The following GLDC variants were observed in gnomAD, a reference collection of about 807,000 sequenced individuals.
GLDC encodes glycine decarboxylase.
In GLDC, 104 loss-of-function variants were observed where a neutral mutation model predicts 121.3. The observed-to-expected ratio is 0.86, with a 90% CI of 0.73 to 1.01. The LOEUF (loss-of-function observed/expected upper bound fraction) is 1.01, where lower values mean the gene tolerates loss of function less well. Ranked by LOEUF, GLDC falls within the 50% of genes least tolerant of loss-of-function variation. The probability of loss-of-function intolerance (pLI) is 0.00; values close to 1 mark genes in which losing one functional copy is unlikely to be tolerated. For synonymous variants in GLDC, 546 were observed against 480.6 expected, an observed-to-expected ratio of 1.14 and a Z score of -1.78; for missense variants, 1,429 against 1,306.6, an observed-to-expected ratio of 1.09 and a Z score of -1.44.
At chr9:6,597,625 T>C (rs1818516006) in intron 8 of GLDC, among the ~76,000 whole-genome samples, 2 of 152,148 alleles carry the variant, frequency 1.3e-5, no homozygotes, top group South Asian at 4.1e-4. Context: ...CTGCTCATTG[T>C]GGTAGAAGCT....
At chr9:6,644,422 A>G in intron 2 of GLDC, 192 bp downstream of exon 2, 1 of 640,244 alleles carries the variant, frequency 1.6e-6, no homozygotes, top group East Asian at 2.7e-5. Context: ...CTCTCCTAAC[A>G]CAAAACTGTC....
intron 15 of GLDC, among the ~76,000 whole-genome samples, chr9:6,570,830 C>T (rs200259332): frequency 2.9e-4 from 38 of 132,316 alleles, no homozygotes; most frequent in African/African-American, 9.3e-4. Flanking sequence ...CTCCAGCCTG[C>T]GCAACAAGAG....
chr9:6,574,810 C>G (rs948172352), intron 15 of GLDC, among the ~76,000 whole-genome samples: 13 of 152,006 alleles, frequency 8.6e-5, no homozygotes, highest in African/African-American at 3.1e-4. Flanking sequence ...GCACTAGGCT[C>G]GGTGGAAAAC....
In GLDC at chr9:6,532,789, G is replaced by T. The variant is rs1266664345; in HGVS notation, c.*228C>A. 2 of 537,046 alleles carry T rather than the reference G, an allele frequency of 3.7e-6. No individual in the cohort carries two copies. Among genetic ancestry groups the T allele is most frequent in the East Asian group, 3.2e-5 (1 of 30,806 alleles). 33.3% of individuals were successfully genotyped at this position (537,046 alleles called of 1,614,324 possible). ...AAACACAAAATGGCTCCCAATCCAG[G>T]CAACTGGCACATGTGGAAGCAGAAT... On this transcript the variant is annotated 3_prime_UTR_variant, in exon 25 of 25. Coordinates refer to ENST00000321612, the MANE Select transcript of GLDC (RefSeq NM_000170.3).
chr9:6,610,097 G>A, intron 4 of GLDC, 95 bp downstream of exon 4: 2 of 964,670 alleles, frequency 2.1e-6, no homozygotes, highest in Non-Finnish European at 1.6e-6. Context: ...CTAGAAAGCT[G>A]ACTAAAGTAA....
At chr9:6,566,136 G>T (rs1187905269) in intron 15 of GLDC, among the ~76,000 whole-genome samples, 8 of 152,104 alleles carry the variant, frequency 5.3e-5, no homozygotes, top group Non-Finnish European at 1.0e-4. Context: ...CCAGCTACTG[G>T]GCAGGCTGAC....
chr9:6,593,024 A>G, intron 9 of GLDC, 34 bp from the exon 10 acceptor site: 1 of 1,611,600 alleles, frequency 6.2e-7, no homozygotes, highest in Non-Finnish European at 8.5e-7. Flanking sequence ...AAACTCTCAT[A>G]TAGAAACCTG....
intron 2 of GLDC, among the ~76,000 whole-genome samples, chr9:6,624,810 A>T (rs2129965980): frequency 6.6e-6 from 1 of 152,158 alleles, no homozygotes; most frequent in East Asian, 1.9e-4. Context: ...CAACATGGTG[A>T]AACCCTGTCT....
At chr9:6,618,730 C>T (rs1402474663) in intron 3 of GLDC, among the ~76,000 whole-genome samples, 1 of 152,032 alleles carries the variant, frequency 6.6e-6, no homozygotes, top group African/African-American at 2.4e-5. Flanking sequence ...TCAGTGAGGA[C>T]CAGAGTGGGC....
chr9:6,639,506 C>T, intron 2 of GLDC: 2 of 837,306 alleles, frequency 2.4e-6, no homozygotes, highest in East Asian at 2.4e-5. Flanking sequence ...ATGATGTGGC[C>T]AAGGGCAACA....
intron 20 of GLDC, 37 bp from the exon 21 acceptor site, chr9:6,550,951 C>G (rs774384998): frequency 2.3e-6 from 3 of 1,327,538 alleles, no homozygotes; most frequent in Non-Finnish European, 3.3e-6. Context: ...AGCCATTGAA[C>G]AGGCAAACAC....
chr9:6,572,267 T>C (rs1198158381), intron 15 of GLDC, among the ~76,000 whole-genome samples: 1 of 152,196 alleles, frequency 6.6e-6, no homozygotes. Flanking sequence ...CAAACTACCA[T>C]AGCCAACGAG....
chr9:6,535,461 C>T (rs915892779), intron 23 of GLDC, among the ~76,000 whole-genome samples: 4 of 151,666 alleles, frequency 2.6e-5, no homozygotes, highest in African/African-American at 9.7e-5. Flanking sequence ...GAAACCTGCC[C>T]CAGCTGCTGC....
At chr9:6,629,220 CA>C (rs1819310254) in intron 2 of GLDC, among the ~76,000 whole-genome samples, 2 of 114,964 alleles carry the variant, frequency 1.7e-5, no homozygotes, top group Admixed American at 8.4e-5. Flanking sequence ...GTTAAATATT[CA>C]TTTTTTTTTT....
chr9:6,555,470 G>T (rs1817605088), intron 18 of GLDC, among the ~76,000 whole-genome samples: 1 of 149,896 alleles, frequency 6.7e-6, no homozygotes, highest in Admixed American at 6.7e-5. Flanking sequence ...CTCTAAAATG[G>T]TAGGAAAAAA....
intron 2 of GLDC, among the ~76,000 whole-genome samples, chr9:6,638,365 C>A (rs1394394800): frequency 6.6e-6 from 1 of 152,048 alleles, no homozygotes; most frequent in African/African-American, 2.4e-5. Flanking sequence ...CAGGCATGCG[C>A]CACCACGCCC....
intron 3 of GLDC, among the ~76,000 whole-genome samples, chr9:6,617,904 T>C (rs147763760): frequency 6.6e-6 from 1 of 152,236 alleles, no homozygotes; most frequent in Non-Finnish European, 1.5e-5. Context: ...TCCCACTTAG[T>C]GAAGCCTGCA....
At chr9:6,591,285 C>G (rs1288953170) in intron 11 of GLDC, among the ~76,000 whole-genome samples, 1 of 152,190 alleles carries the variant, frequency 6.6e-6, no homozygotes, top group Admixed American at 6.5e-5. Flanking sequence ...CCATCTTGGT[C>G]TAGATAACTC....
intron 15 of GLDC, among the ~76,000 whole-genome samples, chr9:6,571,508 C>G (rs1305683055): frequency 6.6e-6 from 1 of 152,128 alleles, no homozygotes; most frequent in Non-Finnish European, 1.5e-5. Context: ...GCAGTGAGAT[C>G]GTGCCACTGT....
Sources: allele counts gnomAD v4.1 joint callset (sites outside exome capture counted in the v4.1 genomes callset), GRCh38; gene constraint gnomAD v4.1.1; transcripts MANE v1.5; gene names NCBI Gene and HGNC (gene_info 2026-07-23, HGNC 2026-07-21).